The following TUT4 variants were observed in gnomAD, a reference collection of about 807,000 sequenced individuals.
TUT4 encodes the protein terminal uridylyl transferase 4, also known as terminal uridylyltransferase 4.
TUT4 carries 36 observed loss-of-function variants against 192.2 expected under a neutral mutation model. The ratio of observed to expected loss-of-function variants is 0.19; its 90% CI spans 0.14 to 0.25. TUT4 has a LOEUF of 0.25. TUT4 is among the 10% of genes least tolerant of loss of function. The probability of loss-of-function intolerance (pLI) is 1.00; values close to 1 mark genes in which losing one functional copy is unlikely to be tolerated. For missense variants in TUT4, 1,493 were observed against 1,957.2 expected (o/e 0.76, Z 4.47); for synonymous variants, 618 against 666.0 (o/e 0.93, Z 1.11).
chr1:52,443,538 G>C (rs540434598), intron 24 of TUT4, among the ~76,000 whole-genome samples: 2 of 151,120 alleles, frequency 1.3e-5, no homozygotes, highest in African/African-American at 4.9e-5. Flanking sequence ...GTGGTGAGCC[G>C]AGATCGCGCC....
intron 1 of TUT4, among the ~76,000 whole-genome samples, chr1:52,529,538 CT>C (rs1193713735): frequency 6.6e-6 from 1 of 152,012 alleles, no homozygotes; most frequent in African/African-American, 2.4e-5. Context: ...ACCAAAATAT[CT>C]TTAAATTTTT....
intron 28 of TUT4, among the ~76,000 whole-genome samples, chr1:52,428,590 C>A (rs980346784): frequency 4.1e-5 from 6 of 146,664 alleles, no homozygotes; most frequent in Non-Finnish European, 8.9e-5. Flanking sequence ...CGTGCCACTG[C>A]ACTCCAGCCT....
intron 20 of TUT4, among the ~76,000 whole-genome samples, chr1:52,451,385 A>G (rs1291196577): frequency 6.6e-6 from 1 of 152,236 alleles, no homozygotes; most frequent in Admixed American, 6.5e-5. Context: ...TTAAAAAACA[A>G]ATCACTCCTA....
intron 28 of TUT4, 119 bp downstream of exon 28, chr1:52,430,894 A>G: frequency 8.9e-7 from 1 of 1,124,254 alleles, no homozygotes; most frequent in Non-Finnish European, 1.2e-6. Flanking sequence ...ATCTTTATCT[A>G]ATCCTGTACT....
chr1:52,472,550 ATAAAT>A lies in TUT4; in HGVS notation c.2728-453_2728-449del, dbSNP rs930650118. ...CTCACTTAGTTGGTTTATTAAATTA[ATAAAT>A]TAATTAAACTAATTTATTATTAAAT... On this transcript the variant is annotated intron_variant, in intron 13 of 29. Transcript: ENST00000257177. 1.7e-3 allele frequency among the ~76,000 whole-genome samples: 257 copies of A among 151,318 alleles called. 4 individuals are homozygous for A. The highest frequency in any genetic ancestry group is 1.7e-3 in the Non-Finnish European group (114 of 67,752).
At chr1:52,541,572 A>T (rs1348245850) in intron 1 of TUT4, among the ~76,000 whole-genome samples, 1 of 147,034 alleles carries the variant, frequency 6.8e-6, no homozygotes, top group Non-Finnish European at 1.5e-5. Context: ...ATATCACATT[A>T]AAAAAAAAAA....
intron 20 of TUT4, among the ~76,000 whole-genome samples, chr1:52,448,987 T>G (rs2148499512): frequency 6.6e-6 from 1 of 152,260 alleles, no homozygotes; most frequent in South Asian, 2.1e-4. Flanking sequence ...TTGCCTATTC[T>G]TTTGAATTCT....
rs370900957 is a variant in TUT4 at position 52,435,367 on chromosome 1, A to G, written c.4261T>C (p.Cys1421Arg). 8.1e-6 allele frequency: 13 copies of G among 1,613,118 alleles called. No individual in the cohort carries two copies. The African/African-American group carries it at 1.7e-4, about 22-fold the overall frequency. ...ACATTCACAGGCAGAGTACTTACAC[A>G]TTCTGATGACTGTCTAGTCCTTATG... ...QSIRTRQSSE[C>R]SESPSYSPQP... The change falls in exon 27 of 30, where the codon TGT (cysteine) becomes CGT (arginine). Residue 1421 changes from cysteine (C) to arginine (R), a missense_variant and splice_region_variant. Coordinates refer to ENST00000257177, the MANE Select transcript of TUT4 (RefSeq NM_001009881.3).
In TUT4 at chr1:52,475,450, A is replaced by G. The variant is rs1408502283; in HGVS notation, c.2109T>C (p.Ala703=). The change falls in exon 13 of 30, where the codon GCT becomes GCC. Residue 703 remains alanine (A), a synonymous_variant. Transcript: ENST00000257177. ...YEYVVERFRA[A]YRYFACPQTK... is the part of the protein sequence containing the mutation. ...TCTGAGGACAGGCAAAATACCGATA[A>G]GCTGCCCTAAATCTCTCCACAACAT... 6.2e-7 allele frequency: 1 copy of G among 1,614,104 alleles called. No individual in the cohort carries two copies. Among genetic ancestry groups the G allele is most frequent in the Admixed American group, 1.7e-5 (1 of 60,026 alleles).
At chr1:52,472,194 T>A in intron 13 of TUT4, 92 bp from the exon 14 acceptor site, 1 of 1,181,448 alleles carries the variant, frequency 8.5e-7, no homozygotes, top group Non-Finnish European at 1.2e-6. Context: ...TTTATGTAAC[T>A]CAGTTTTGAT....
chr1:52,431,292 G>A lies in TUT4; in HGVS notation c.4432C>T (p.Pro1478Ser), dbSNP rs116145055. The A allele has an allele frequency of 6.2e-7, 1 of 1,614,194 alleles. No individual in the cohort carries two copies. The highest frequency in any genetic ancestry group is 8.5e-7 in the Non-Finnish European group (1 of 1,180,044). Residue 1478 changes from proline (P) to serine (S), a missense_variant, in exon 28 of 30, where the codon CCC (proline) becomes TCC (serine). This residue lies in a region of TUT4 where 351 missense variants were observed against 397.8 expected (regional missense o/e 0.88). Coordinates refer to ENST00000257177, the MANE Select transcript of TUT4 (RefSeq NM_001009881.3). ...HQVQMPLYNFPQSPPAQYSPM... is the reference protein window; with the variant it reads ...HQVQMPLYNFSQSPPAQYSPM... ...GAATACTGAGCTGGTGGTGACTGGG[G>A]AAAGTTATACAGTGGCATCTGGACC...
chr1:52,547,892 A>G (rs141601201), intron 1 of TUT4, among the ~76,000 whole-genome samples: 1 of 152,334 alleles, frequency 6.6e-6, no homozygotes, highest in African/African-American at 2.4e-5. Context: ...ACTGGGTTTC[A>G]TTATGGGATA....
intron 1 of TUT4, among the ~76,000 whole-genome samples, chr1:52,551,985 A>G (rs1372550955): frequency 6.6e-6 from 1 of 152,170 alleles, no homozygotes; most frequent in Non-Finnish European, 1.5e-5. Flanking sequence ...TTCGAATTGC[A>G]TTTCTGGACA....
At chr1:52,428,838 G>C (rs1191159442) in intron 28 of TUT4, among the ~76,000 whole-genome samples, 1 of 151,772 alleles carries the variant, frequency 6.6e-6, no homozygotes, top group Non-Finnish European at 1.5e-5. Context: ...ACAAGGACTG[G>C]GTATTAGATG....
At chr1:52,464,169 A>G (rs1350165646) in intron 16 of TUT4, among the ~76,000 whole-genome samples, 1 of 152,214 alleles carries the variant, frequency 6.6e-6, no homozygotes, top group Non-Finnish European at 1.5e-5. Context: ...TGTATGTAAA[A>G]GTGTATACTG....
At chr1:52,447,293 C>CA (rs201008199) in intron 20 of TUT4, among the ~76,000 whole-genome samples, 1,858 of 151,568 alleles carry the variant, frequency 0.012, 34 homozygotes, top group African/African-American at 0.043. Flanking sequence ...ACTAAAGATA[C>CA]AAAAAATTAG....
At chr1:52,524,258 G>A (rs191401747) in intron 2 of TUT4, among the ~76,000 whole-genome samples, 389 of 152,244 alleles carry the variant, frequency 2.6e-3, no homozygotes, top group Non-Finnish European at 4.3e-3. Context: ...TCCAAAGGCC[G>A]GGCACAGTGG....
chr1:52,469,809 G>A (rs551442301), intron 14 of TUT4, among the ~76,000 whole-genome samples: 1 of 151,218 alleles, frequency 6.6e-6, no homozygotes, highest in South Asian at 2.1e-4. Flanking sequence ...AGAAATGGCT[G>A]GAACCCAGGA....
At chr1:52,436,412 G>A (rs1159909353) in intron 26 of TUT4, among the ~76,000 whole-genome samples, 1 of 152,086 alleles carries the variant, frequency 6.6e-6, no homozygotes, top group Non-Finnish European at 1.5e-5. Context: ...CTTGAACCCG[G>A]GAGGCAGAGG....
Sources: gnomAD v4.1 joint callset for allele counts (sites outside exome capture counted in the v4.1 genomes callset) on GRCh38, gnomAD v4.1.1 for gene constraint, gnomAD v4.1.1 regional missense constraint, MANE v1.5 for transcripts, NCBI Gene and HGNC (gene_info 2026-07-23, HGNC 2026-07-21) for gene names.